Variants in NRF1 observed in about 807,000 individuals in gnomAD.
The protein encoded by NRF1 is nuclear respiratory factor 1, also known as alpha palindromic-binding protein.
A neutral mutation model predicts 58.5 loss-of-function variants in NRF1; 5 were observed. That is an observed-to-expected ratio of 0.09 (90% CI 0.04 to 0.18). NRF1 has a LOEUF of 0.18. NRF1 is among the 10% of genes least tolerant of loss of function. The probability of loss-of-function intolerance (pLI) is 1.00; values close to 1 mark genes in which losing one functional copy is unlikely to be tolerated. For missense variants in NRF1, 288 were observed against 657.7 expected (o/e 0.44, Z 6.15); for synonymous variants, 224 against 246.7 (o/e 0.91, Z 0.86).
At chr7:129,669,705 C>G (rs1306239076) in intron 2 of NRF1, among the ~76,000 whole-genome samples, 1 of 152,136 alleles carries the variant, frequency 6.6e-6, no homozygotes, top group African/African-American at 2.4e-5. Context: ...GCGGTGAGGT[C>G]GTAGAGCAAC....
At chr7:129,626,282 G>T (rs1800917681) in intron 1 of NRF1, among the ~76,000 whole-genome samples, 1 of 152,184 alleles carries the variant, frequency 6.6e-6, no homozygotes, top group South Asian at 2.1e-4. Context: ...TGAGTATCCT[G>T]TGTGGCCTAG....
chr7:129,640,533 C>T (rs1219671342), intron 1 of NRF1, among the ~76,000 whole-genome samples: 1 of 152,010 alleles, frequency 6.6e-6, no homozygotes, highest in Non-Finnish European at 1.5e-5. Flanking sequence ...CCCAAATTTA[C>T]CGTACCCCCA....
chr7:129,621,057 G>A (rs1216827462), intron 1 of NRF1, among the ~76,000 whole-genome samples: 1 of 152,114 alleles, frequency 6.6e-6, no homozygotes, highest in African/African-American at 2.4e-5. Context: ...AGAAATTCAA[G>A]CACATTATGT....
At chr7:129,730,765 C>T (rs1475466390) in intron 10 of NRF1, among the ~76,000 whole-genome samples, 3 of 152,024 alleles carry the variant, frequency 2.0e-5, no homozygotes, top group African/African-American at 4.8e-5. Flanking sequence ...TGCTTGAGTC[C>T]AGGAGTCCAA....
chr7:129,688,530 C>T (rs565475327), intron 4 of NRF1, among the ~76,000 whole-genome samples: 48 of 152,132 alleles, frequency 3.2e-4, no homozygotes, highest in Admixed American at 9.2e-4. Context: ...TGTATTAGTC[C>T]GTTTTCACAC....
intron 1 of NRF1, among the ~76,000 whole-genome samples, chr7:129,627,625 A>G (rs1008630016): frequency 1.3e-5 from 2 of 152,204 alleles, no homozygotes; most frequent in African/African-American, 4.8e-5. Context: ...TTCCATTACA[A>G]TTTGATTGTG....
intron 1 of NRF1, among the ~76,000 whole-genome samples, chr7:129,648,758 T>C (rs1801469617): frequency 6.6e-6 from 1 of 152,202 alleles, no homozygotes; most frequent in Non-Finnish European, 1.5e-5. Context: ...TCCACCTTTC[T>C]GTCCCTCTCC....
At chr7:129,705,747 C>A (rs1224629813) in intron 5 of NRF1, among the ~76,000 whole-genome samples, 9 of 151,718 alleles carry the variant, frequency 5.9e-5, no homozygotes, top group Non-Finnish European at 1.0e-4. Flanking sequence ...GAGACCCCTT[C>A]TCTACAAAAA....
intron 10 of NRF1, among the ~76,000 whole-genome samples, chr7:129,730,249 T>G (rs1324057478): frequency 6.6e-6 from 1 of 152,058 alleles, no homozygotes; most frequent in Non-Finnish European, 1.5e-5. Flanking sequence ...GGTCTCAAAC[T>G]CTCGGGCTCG....
At chr7:129,654,945 G>T (rs979415699) in intron 1 of NRF1, among the ~76,000 whole-genome samples, 6 of 152,046 alleles carry the variant, frequency 3.9e-5, no homozygotes, top group Admixed American at 2.0e-4. Flanking sequence ...TGGGTCTTTT[G>T]CCTCTCCATG....
intron 10 of NRF1, among the ~76,000 whole-genome samples, chr7:129,753,596 A>G (rs769759850): frequency 6.6e-6 from 1 of 152,052 alleles, no homozygotes; most frequent in African/African-American, 2.4e-5. Flanking sequence ...CTTACTGGGA[A>G]TCCTTTTTTT....
intron 1 of NRF1, among the ~76,000 whole-genome samples, chr7:129,645,246 G>T (rs1801379340): frequency 6.6e-6 from 1 of 152,150 alleles, no homozygotes; most frequent in African/African-American, 2.4e-5. Flanking sequence ...TCATTTGACA[G>T]ATGTTACAAC....
intron 1 of NRF1, among the ~76,000 whole-genome samples, chr7:129,632,131 T>C (rs1409318302): frequency 6.6e-6 from 1 of 152,096 alleles, no homozygotes; most frequent in Non-Finnish European, 1.5e-5. Flanking sequence ...AAAAATTAGC[T>C]GAGCGTGGGT....
At chr7:129,700,705 G>A (rs1802803477) in intron 5 of NRF1, among the ~76,000 whole-genome samples, 1 of 152,142 alleles carries the variant, frequency 6.6e-6, no homozygotes, top group Non-Finnish European at 1.5e-5. Flanking sequence ...ATGGTTTGAG[G>A]CCAGGAGTTT....
chr7:129,684,196 A>G (rs1421552382), intron 4 of NRF1, among the ~76,000 whole-genome samples: 2 of 152,202 alleles, frequency 1.3e-5, no homozygotes, highest in East Asian at 1.9e-4. Context: ...GAACAGGGAA[A>G]AGTAGACTTG....
intron 1 of NRF1, chr7:129,629,984 A>C (rs1239804432): frequency 6.6e-6 from 1 of 152,240 alleles, no homozygotes; most frequent in Non-Finnish European, 1.5e-5. Context: ...TGACTTGAAG[A>C]ATCTCAAGGA....
At chr7:129,637,291 C>T (rs1459025754) in intron 1 of NRF1, among the ~76,000 whole-genome samples, 1 of 151,868 alleles carries the variant, frequency 6.6e-6, no homozygotes, top group East Asian at 1.9e-4. Flanking sequence ...ATTGGAAACC[C>T]CTGCAAAAAA....
chr7:129,755,131 G>T lies in NRF1; in HGVS notation c.1462G>T (p.Ala488Ser), dbSNP rs377034777. Residue 488 changes from alanine (A) to serine (S), a missense_variant, in exon 11 of 11, where the codon GCA (alanine) becomes TCA (serine). Coordinates refer to ENST00000393232, the MANE Select transcript of NRF1 (RefSeq NM_005011.5). This position sits in a 1 kb window ranked among gnomAD's most constrained non-coding sequence, Gnocchi z 5.8. ...TGTGACCACCAGGATATCAGACAGCGCAGTCACCATGGACGGCCAAGCTGT... is the reference window on the plus strand; with the variant it reads ...TGTGACCACCAGGATATCAGACAGCTCAGTCACCATGGACGGCCAAGCTGT... ...APVTTRISDSAVTMDGQAVEV... is the reference protein window; with the variant it reads ...APVTTRISDSSVTMDGQAVEV... The T allele has an allele frequency of 3.7e-6, 6 of 1,613,788 alleles. No homozygotes were observed. The East Asian group carries it at 1.3e-4, about 36-fold the overall frequency.
chr7:129,737,586 T>C (rs1803747143), intron 10 of NRF1, among the ~76,000 whole-genome samples: 1 of 112,782 alleles, frequency 8.9e-6, no homozygotes, highest in Non-Finnish European at 2.2e-5. Flanking sequence ...TTTTTCTGTG[T>C]TCCTTGTTCC....
Sources: gnomAD v4.1 joint callset for allele counts (sites outside exome capture counted in the v4.1 genomes callset) on GRCh38, gnomAD v4.1.1 for gene constraint, Gnocchi (gnomAD v3.1) non-coding constraint, MANE v1.5 for transcripts, NCBI Gene and HGNC (gene_info 2026-07-23, HGNC 2026-07-21) for gene names.